The following ROBO2 variants were observed in gnomAD, a reference collection of about 807,000 sequenced individuals.
ROBO2 encodes roundabout guidance receptor 2.
ROBO2 carries 53 observed loss-of-function variants against 160.8 expected under a neutral mutation model. That is an observed-to-expected ratio of 0.33 (90% confidence interval 0.26 to 0.41). The LOEUF (loss-of-function observed/expected upper bound fraction) is 0.41. ROBO2 is among the 10% of genes least tolerant of loss of function. The pLI is 1.00. For synonymous variants in ROBO2, 664 were observed against 611.7 expected (o/e 1.09, Z -1.26); for missense variants, 1,577 against 1,722.4 (o/e 0.92, Z 1.49).
At chr3:76,797,888 A>C (rs2063821590) in intron 2 of ROBO2, among the ~76,000 whole-genome samples, 1 of 151,950 alleles carries the variant, frequency 6.6e-6, no homozygotes, top group Non-Finnish European at 1.5e-5. Flanking sequence ...GTAAAACCAA[A>C]ACCTGAATCA....
At chr3:76,500,738 A>G (rs192123397) in intron 2 of ROBO2, among the ~76,000 whole-genome samples, 105 of 152,284 alleles carry the variant, frequency 6.9e-4, no homozygotes, top group African/African-American at 2.5e-3. Context: ...TCAGTTCTAG[A>G]AGATAAAGTT....
At chr3:77,361,357 A>G (rs766337170) in intron 2 of ROBO2, among the ~76,000 whole-genome samples, 11 of 152,022 alleles carry the variant, frequency 7.2e-5, no homozygotes, top group Non-Finnish European at 1.5e-4. Flanking sequence ...TTTGTTATTT[A>G]TTTGTATATT....
intron 2 of ROBO2, among the ~76,000 whole-genome samples, chr3:76,756,842 T>C (rs1275269520): frequency 6.6e-6 from 1 of 151,738 alleles, no homozygotes; most frequent in East Asian, 2.0e-4. Flanking sequence ...GAAGTAGGGA[T>C]TTTTATGAAG....
intron 2 of ROBO2, among the ~76,000 whole-genome samples, chr3:77,124,464 A>T (rs1358229597): frequency 1.3e-5 from 2 of 152,162 alleles, no homozygotes; most frequent in Non-Finnish European, 2.9e-5. Context: ...CAGGAGCCAC[A>T]AATGCCAGGC....
At chr3:77,063,022 T>C (rs1006025833) in intron 1 of ROBO2, among the ~76,000 whole-genome samples, 1 of 152,210 alleles carries the variant, frequency 6.6e-6, no homozygotes, top group African/African-American at 2.4e-5. Context: ...AATATTATAC[T>C]GCTGTGGGAA....
At position 76,456,418 on chromosome 3, in the gene ROBO2, G is replaced by T. The variant is rs1048244589; in HGVS notation, c.109+518816G>T. On this transcript the variant is annotated intron_variant, in intron 2 of 26. Transcript: ENST00000487694. ...TTATAACCACTGTTCTAAAGCTCAGGTTTCTCAAACTGACTAATGCAATTA... is the reference window on the plus strand; with the variant it reads ...TTATAACCACTGTTCTAAAGCTCAGTTTTCTCAAACTGACTAATGCAATTA... Among the ~76,000 whole-genome samples the T allele has an allele frequency of 1.3e-4, 20 of 152,068 alleles. 1 individual carries two copies. Among genetic ancestry groups the T allele is most frequent in the Admixed American group, 1.0e-3 (16 of 15,252 alleles).
rs747025140 is a variant in ROBO2, at chr3:77,596,651, C to T, written c.2755C>T (p.Pro919Ser). The T allele has an allele frequency of 9.3e-6, 15 of 1,613,816 alleles. No homozygotes were observed. In the Admixed American group the frequency reaches 2.5e-4, roughly 27 times the overall value. The change falls in exon 19 of 26, where the codon CCC becomes TCC. Residue 919 changes from proline to serine, a missense_variant. Pro to Ser is a moderately conservative substitution (Grantham distance 74). Coordinates refer to ENST00000461745, the Ensembl canonical transcript of ROBO2. Reference sequence around the variant, plus strand: ...TCCAGGTCTTCTCAATGCTGGTGATCCCAGCTATCCATGGCTTGCTGATTC... The same window carrying T: ...TCCAGGTCTTCTCAATGCTGGTGATTCCAGCTATCCATGGCTTGCTGATTC...
At chr3:76,231,867 A>C (rs911110771) in intron 2 of ROBO2, among the ~76,000 whole-genome samples, 1 of 152,218 alleles carries the variant, frequency 6.6e-6, no homozygotes, top group Non-Finnish European at 1.5e-5. Context: ...TTCTGAATAA[A>C]ACCCAGTAGG....
intron 2 of ROBO2, among the ~76,000 whole-genome samples, chr3:77,028,564 CA>C (rs1377455548): frequency 1.3e-5 from 2 of 151,832 alleles, no homozygotes; most frequent in Non-Finnish European, 1.5e-5. Flanking sequence ...AAAAAAAATA[CA>C]AAAAACTAAC....
chr3:77,378,695 AT>A (rs554706893), intron 2 of ROBO2, among the ~76,000 whole-genome samples: 9 of 152,166 alleles, frequency 5.9e-5, no homozygotes, highest in Non-Finnish European at 1.3e-4. Context: ...GAAATAGGCT[AT>A]GTGATTTTGA....
chr3:77,043,122 G>A (rs1280947500), intron 1 of ROBO2, among the ~76,000 whole-genome samples: 1 of 152,182 alleles, frequency 6.6e-6, no homozygotes, highest in Non-Finnish European at 1.5e-5. Context: ...CTGCCCTCTA[G>A]GCTGTTTCAG....
At chr3:76,067,717 A>G (rs1382051252) in intron 2 of ROBO2, among the ~76,000 whole-genome samples, 1 of 152,206 alleles carries the variant, frequency 6.6e-6, no homozygotes, top group African/African-American at 2.4e-5. Flanking sequence ...CTAGTTACCA[A>G]TATGAGAAAT....
chr3:76,055,003 G>T (rs929200790), intron 2 of ROBO2, among the ~76,000 whole-genome samples: 5 of 152,078 alleles, frequency 3.3e-5, no homozygotes, highest in Non-Finnish European at 7.3e-5. Context: ...CCCGAGACTG[G>T]GTCATTTATC....
chr3:77,261,432 C>A (rs527419186), intron 2 of ROBO2, among the ~76,000 whole-genome samples: 2 of 152,154 alleles, frequency 1.3e-5, no homozygotes, highest in African/African-American at 4.8e-5. Context: ...GATATTTAGT[C>A]TCAGGAAAAA....
At chr3:76,494,040 G>A (rs2079998805) in intron 2 of ROBO2, among the ~76,000 whole-genome samples, 1 of 152,006 alleles carries the variant, frequency 6.6e-6, no homozygotes, top group Non-Finnish European at 1.5e-5. Context: ...TGATATGTAT[G>A]TGAATGTTCA....
chr3:76,790,417 G>A (rs975660813), intron 2 of ROBO2, among the ~76,000 whole-genome samples: 16 of 151,696 alleles, frequency 1.1e-4, no homozygotes, highest in Admixed American at 2.0e-4. Context: ...CAATGGCATT[G>A]CCCTTCCACT....
At chr3:76,750,646 C>A (rs1310411661) in intron 2 of ROBO2, among the ~76,000 whole-genome samples, 2 of 151,958 alleles carry the variant, frequency 1.3e-5, no homozygotes, top group Non-Finnish European at 2.9e-5. Flanking sequence ...TCCTATACAC[C>A]AATAACAGAC....
chr3:77,055,636 T>C (rs1252575308), intron 1 of ROBO2, among the ~76,000 whole-genome samples: 2 of 152,166 alleles, frequency 1.3e-5, no homozygotes, highest in Non-Finnish European at 2.9e-5. Flanking sequence ...TATATCCACA[T>C]ATAAACTTCC....
At chr3:76,839,236 G>T (rs1321191154) in intron 2 of ROBO2, among the ~76,000 whole-genome samples, 1 of 152,122 alleles carries the variant, frequency 6.6e-6, no homozygotes, top group African/African-American at 2.4e-5. Context: ...CAAATTAAAT[G>T]ATGAAGATAT....
Sources: gnomAD v4.1 joint callset for allele counts (sites outside exome capture counted in the v4.1 genomes callset) on GRCh38, gnomAD v4.1.1 for gene constraint, MANE v1.5 for transcripts, NCBI Gene and HGNC (gene_info 2026-07-23, HGNC 2026-07-21) for gene names.